Variants in TMEM259 observed in about 807,000 individuals in gnomAD.
TMEM259 encodes the protein membralin.
A neutral mutation model predicts 46.7 loss-of-function variants in TMEM259; 26 were observed. The observed-to-expected ratio is 0.56, with a 90% CI of 0.41 to 0.77. The LOEUF is 0.77. TMEM259 is among the 30% of genes least tolerant of loss of function. TMEM259 has a pLI of 0.00. For missense variants in TMEM259, 930 were observed against 900.5 expected, an observed-to-expected ratio of 1.03 and a Z score of -0.42; for synonymous variants, 494 against 395.1, an observed-to-expected ratio of 1.25 and a Z score of -2.97.
Position 1,021,079 on chromosome 19 carries a change from T to C in TMEM259, c.-83A>G. 1.6e-6 allele frequency: 2 copies of C among 1,243,954 alleles called. No homozygotes were observed. The highest frequency in any genetic ancestry group is 4.3e-5 in the South Asian group (2 of 46,642). The allele number at this position is 1,243,954 out of a possible 1,614,324, so 77.1% of individuals were successfully genotyped here. ...CATCGGCCGCCCTCGCAGCCGCCGC[T>C]CTCCTCACGGCCTCCCGGCCGCCGC... On this transcript the variant is annotated 5_prime_UTR_variant, in exon 1 of 11. Transcript: ENST00000356663.
rs564800791 is a variant in TMEM259, at chr19:1,010,783, G to A, written c.1430C>T (p.Ala477Val). ...GTTGTTGTTCATGTCATCGGGCAGCGCCGTGGGGGTCCCGGGGCCCAGTGG... is the reference window on the plus strand; with the variant it reads ...GTTGTTGTTCATGTCATCGGGCAGCACCGTGGGGGTCCCGGGGCCCAGTGG... ...APPLGPGTPTALPDDMNNNSG... is the reference protein window; with the variant it reads ...APPLGPGTPTVLPDDMNNNSG... The change falls in exon 11 of 11, where the codon GCG (alanine) becomes GTG (valine). Residue 477 changes from alanine to valine, a missense_variant. Transcript: ENST00000356663. The A allele has an allele frequency of 5.5e-5, 86 of 1,561,962 alleles. No individual in the cohort carries two copies. Among genetic ancestry groups the A allele is most frequent in the Middle Eastern group, 1.7e-4 (1 of 5,784 alleles).
At chr19:1,013,063 G>C (rs954698234) in intron 3 of TMEM259, among the ~76,000 whole-genome samples, 178 bp downstream of exon 3, 3 of 152,194 alleles carry the variant, frequency 2.0e-5, no homozygotes, top group African/African-American at 7.2e-5. Flanking sequence ...CCAGGCTCTG[G>C]GGTGTCCCCA....
chr19:1,011,266 G>A (rs1227054409), intron 9 of TMEM259, 71 bp from the exon 10 acceptor site: 60 of 1,540,780 alleles, frequency 3.9e-5, no homozygotes, highest in Middle Eastern at 1.8e-4. Context: ...GGGTTCCCGC[G>A]TGGCGCAGCC....
At chr19:1,015,486 C>A (rs1053060265) in intron 1 of TMEM259, among the ~76,000 whole-genome samples, 34 of 152,302 alleles carry the variant, frequency 2.2e-4, no homozygotes, top group African/African-American at 8.2e-4. Flanking sequence ...AGCCCCTCTT[C>A]CAGGGAGCCC....
rs532211751 is a variant in TMEM259 at position 1,012,880 on chromosome 19, G to C, written c.608-307C>G. On this transcript the variant is annotated intron_variant, in intron 3 of 10. Coordinates refer to ENST00000356663, the MANE Select transcript of TMEM259 (RefSeq NM_001033026.2). ...CCCAGCACACCCCCAACACTTCAGA[G>C]GCCCCGGCCCTCTGGATAGACCCTC... Among the ~76,000 whole-genome samples the C allele has an allele frequency of 5.3e-4, 80 of 152,292 alleles. 1 individual carries two copies. The South Asian group carries it at 0.015, about 29-fold the overall frequency.
At chr19:1,018,298 C>T (rs910164749) in intron 1 of TMEM259, among the ~76,000 whole-genome samples, 19 of 152,252 alleles carry the variant, frequency 1.2e-4, no homozygotes, top group Non-Finnish European at 2.1e-4. Flanking sequence ...CAGCACCTGG[C>T]ACTGCCTGGC....
Position 1,010,908 on chromosome 19 carries a change from GA to G in TMEM259, c.1318-14del. The G allele has an allele frequency of 1.3e-6, 2 of 1,587,544 alleles. No individual in the cohort carries two copies. The highest frequency in any genetic ancestry group is 1.1e-5 in the South Asian group (1 of 89,654). ...AGATCATGGAATGCTGCGGGAGGGA[GA>G]GTGGGAGTCAGGACGGGCCCGCCCC... On this transcript the variant is annotated splice_polypyrimidine_tract_variant and intron_variant, in intron 10 of 10. Coordinates refer to ENST00000356663, the MANE Select transcript of TMEM259 (RefSeq NM_001033026.2).
Position 1,011,381 on chromosome 19 carries a change from C to T in TMEM259, c.1203G>A (p.Lys401=), listed in dbSNP as rs755844440. The part of the protein sequence containing the change: ...DAICCHTSTS[K]RHWLRFFYLY... ...GCCACGCTCACCGCAGCCAATGCCG[C>T]TTGCTGGTGCTGGTGTGGCAGCAGA... Residue 401 remains lysine, a synonymous_variant, in exon 9 of 11, where the codon AAG becomes AAA. Coordinates refer to ENST00000356663, the MANE Select transcript of TMEM259 (RefSeq NM_001033026.2). The T allele has an allele frequency of 3.2e-6, 5 of 1,571,460 alleles. No individual in the cohort carries two copies. The highest frequency in any genetic ancestry group is 1.8e-5 in the Admixed American group (1 of 54,666).
At chr19:1,013,044 C>A (rs1419753262) in intron 3 of TMEM259, among the ~76,000 whole-genome samples, 197 bp downstream of exon 3, 1 of 152,196 alleles carries the variant, frequency 6.6e-6, no homozygotes, top group Non-Finnish European at 1.5e-5. Context: ...ATGAGCTGAG[C>A]CAGTTACCCC....
intron 2 of TMEM259, 143 bp from the exon 3 acceptor site, chr19:1,013,483 G>T: frequency 1.4e-6 from 1 of 734,704 alleles, no homozygotes; most frequent in Non-Finnish European, 2.2e-6. Flanking sequence ...TGGACTACGT[G>T]TGCCTCCCGC....
rs961538875 is a variant in TMEM259, at chr19:1,014,438, G to A, written c.261C>T (p.His87=). ...TGATGGGCGAGCGGGAGAAGACGAT[G>A]TGGATGTAGGCCAGGACGAAGAGCA... The part of the protein sequence containing the change: ...LFVLFVLAYI[H]IVFSRSPINC... Residue 87 remains histidine (H), a synonymous_variant, in exon 2 of 11, where the codon CAC becomes CAT. Coordinates refer to ENST00000356663, the MANE Select transcript of TMEM259 (RefSeq NM_001033026.2). 6 of 1,611,686 alleles carry A rather than the reference G, an allele frequency of 3.7e-6. No homozygotes were observed. Among genetic ancestry groups the A allele is most frequent in the Admixed American group, 3.3e-5 (2 of 59,992 alleles).
At chr19:1,011,703 A>T in intron 7 of TMEM259, 38 bp downstream of exon 7, 1 of 1,530,750 alleles carries the variant, frequency 6.5e-7, no homozygotes, top group East Asian at 2.5e-5. Context: ...GAGGGCCTGG[A>T]GGACGCCCGC....
rs1218120558 is a variant in TMEM259 at position 1,011,516 on chromosome 19, C to T, written c.1085-17G>A. The T allele has an allele frequency of 1.8e-5, 28 of 1,519,582 alleles. 1 individual carries two copies. Among genetic ancestry groups the T allele is most frequent in the East Asian group, 1.5e-4 (6 of 39,440 alleles). The allele number at this position is 1,519,582 out of a possible 1,614,324, so 94.1% of individuals were successfully genotyped here. A position where few individuals can be genotyped will look rare whatever the true frequency, so the allele number is the denominator to read the frequency against. On this transcript the variant is annotated splice_polypyrimidine_tract_variant and intron_variant, in intron 8 of 10. Coordinates refer to ENST00000356663, the MANE Select transcript of TMEM259 (RefSeq NM_001033026.2). ...CCTCCATCCCTGCAGGGAGAGGCGG[C>T]GCCGGTTGAAGCGGGCGGGGCGGGG...
intron 1 of TMEM259, 138 bp from the exon 2 acceptor site, chr19:1,014,611 G>A: frequency 2.0e-6 from 2 of 995,392 alleles, no homozygotes; most frequent in Non-Finnish European, 2.9e-6. Context: ...AAGCCGAATT[G>A]GGCTCTGAGG....
At chr19:1,018,987 CAAA>C (rs758741226) in intron 1 of TMEM259, among the ~76,000 whole-genome samples, 6 of 115,922 alleles carry the variant, frequency 5.2e-5, no homozygotes, top group Non-Finnish European at 3.6e-5. Context: ...GACTCCATCT[CAAA>C]AAAAAAAAAA....
rs556881874 is a variant in TMEM259 at position 1,010,718 on chromosome 19, G to A, written c.1495C>T (p.Pro499Ser). Reference protein sequence around the residue: ...PATAPDSAGQPPALGPVSPGA... With the variant: ...PATAPDSAGQSPALGPVSPGA... ...GGCGAGACGGGGCCCAGGGCGGGGG[G>A]CTGGCCGGCAGAGTCAGGGGCTGTA... is the stretch of plus-strand genomic sequence containing the variant. Residue 499 changes from proline to serine, a missense_variant, in exon 11 of 11, where the codon CCC becomes TCC. Transcript: ENST00000356663. 43 of 1,528,802 alleles carry A rather than the reference G, an allele frequency of 2.8e-5. No individual in the cohort carries two copies. The African/African-American group carries it at 5.0e-4, about 18-fold the overall frequency. 94.7% of individuals were successfully genotyped at this position (1,528,802 alleles called of 1,614,324 possible).
At position 1,011,469 on chromosome 19, in the gene TMEM259, T is replaced by C. The variant is rs1397600204; in HGVS notation, c.1115A>G (p.Asn372Ser). 3.2e-6 allele frequency: 5 copies of C among 1,554,116 alleles called. No individual in the cohort carries two copies. In the East Asian group the frequency reaches 9.7e-5, roughly 30 times the overall value. The change falls in exon 9 of 11, where the codon AAC becomes AGC. Residue 372 changes from asparagine to serine, a missense_variant. Physicochemically the swap from Asn to Ser is conservative, Grantham distance 46. Transcript: ENST00000356663. The part of the protein sequence containing the change: ...GMEAIMSEFF[N>S]DTTTAFYIIL... ...GATGTAGAAGGCGGTGGTGGTGTCG[T>C]TGAAGAACTCCGACATGATGGCCTC...
Position 1,014,209 on chromosome 19 carries a change from C to G in TMEM259, c.490G>C (p.Gly164Arg). 6.2e-7 allele frequency: 1 copy of G among 1,608,118 alleles called. No individual in the cohort carries two copies. Among genetic ancestry groups the G allele is most frequent in the Non-Finnish European group, 8.5e-7 (1 of 1,175,364 alleles). ...TGGCTCACCTTGATGGAGCTGTTCC[C>G]AAACATCTCCATGGTCAGCTCTTCC... ...EEEELTMEMF[G>R]NSSIKFELDI... The change falls in exon 2 of 11, where the codon GGG (glycine) becomes CGG (arginine). Residue 164 changes from glycine to arginine, a missense_variant. By Grantham distance (125) the Gly-to-Arg change is moderately radical. Coordinates refer to ENST00000356663, the MANE Select transcript of TMEM259 (RefSeq NM_001033026.2).
At chr19:1,019,376 G>A (rs1189474870) in intron 1 of TMEM259, among the ~76,000 whole-genome samples, 2 of 152,232 alleles carry the variant, frequency 1.3e-5, no homozygotes, top group African/African-American at 4.8e-5. Flanking sequence ...CCACAGACCA[G>A]CCTCCGTCCA....
Sources: allele counts gnomAD v4.1 joint callset (sites outside exome capture counted in the v4.1 genomes callset), GRCh38; gene constraint gnomAD v4.1.1; transcripts MANE v1.5; gene names NCBI Gene and HGNC (gene_info 2026-07-23, HGNC 2026-07-21).